The following SGCZ variants were observed in gnomAD, a reference collection of about 807,000 sequenced individuals.
SGCZ encodes sarcoglycan zeta.
SGCZ carries 40 observed loss-of-function variants against 41.3 expected under a neutral mutation model. The observed-to-expected ratio is 0.97, with a 90% CI of 0.75 to 1.26. The LOEUF is 1.26. Ranked by LOEUF, SGCZ falls within the 50% of genes most tolerant of loss-of-function variation. The pLI, the probability that SGCZ is intolerant of heterozygous loss-of-function variation, is 0.00. For synonymous variants in SGCZ, 206 were observed against 137.5 expected, an observed-to-expected ratio of 1.50 and a Z score of -3.49; for missense variants, 552 against 369.8, an observed-to-expected ratio of 1.49 and a Z score of -4.04.
chr8:15,000,606 T>C (rs1382195259), intron 1 of SGCZ, among the ~76,000 whole-genome samples: 3 of 152,146 alleles, frequency 2.0e-5, no homozygotes, highest in African/African-American at 7.2e-5. Context: ...TCGCTTCTCT[T>C]TGCCAGCCAC....
chr8:14,185,633 A>G (rs1029060641), intron 4 of SGCZ, among the ~76,000 whole-genome samples: 2 of 151,722 alleles, frequency 1.3e-5, no homozygotes, highest in African/African-American at 4.8e-5. Flanking sequence ...TATTCTCTTG[A>G]CTTTTCTTCT....
intron 1 of SGCZ, among the ~76,000 whole-genome samples, chr8:14,907,136 C>A (rs1236654350): frequency 1.3e-5 from 2 of 152,076 alleles, no homozygotes; most frequent in Non-Finnish European, 2.9e-5. Flanking sequence ...TTTAGTTTAT[C>A]CAGGCACCTC....
chr8:14,309,659 T>A (rs1488991517), intron 3 of SGCZ: 25 of 1,610,454 alleles, frequency 1.6e-5, no homozygotes, highest in Non-Finnish European at 2.0e-5. Flanking sequence ...CCACTAAAAA[T>A]AGGTTTGTTG....
intron 4 of SGCZ, among the ~76,000 whole-genome samples, chr8:14,214,040 T>A (rs1183895225): frequency 6.6e-6 from 1 of 152,000 alleles, no homozygotes; most frequent in Non-Finnish European, 1.5e-5. Context: ...CCAAAAAGAG[T>A]GACTTTACAG....
At chr8:14,695,097 T>C (rs996041509) in intron 1 of SGCZ, among the ~76,000 whole-genome samples, 3 of 151,916 alleles carry the variant, frequency 2.0e-5, no homozygotes, top group Non-Finnish European at 2.9e-5. Context: ...CCAAAGAAAA[T>C]TGATGCTGAT....
intron 1 of SGCZ, among the ~76,000 whole-genome samples, chr8:14,559,408 A>G (rs535624750): frequency 7.9e-5 from 12 of 152,286 alleles, no homozygotes; most frequent in African/African-American, 1.9e-4. Context: ...TAAAATACTT[A>G]GAAATATACC....
In SGCZ at chr8:15,100,047, C is replaced by G. The variant is rs558052700; in HGVS notation, c.39+137538G>C. On this transcript the variant is annotated intron_variant, in intron 1 of 7. Coordinates refer to ENST00000382080, the MANE Select transcript of SGCZ (RefSeq NM_139167.4). Reference sequence around the variant, plus strand: ...AATTTTTCCCAAAACAGTAACAAAACAAAGATGTCTTTTCTTACCACTTCT... The same window carrying G: ...AATTTTTCCCAAAACAGTAACAAAAGAAAGATGTCTTTTCTTACCACTTCT... Among the ~76,000 whole-genome samples the G allele has an allele frequency of 7.2e-5, 11 of 152,086 alleles. No individual in the cohort carries two copies. The South Asian group carries it at 1.9e-3, about 26-fold the overall frequency.
intron 1 of SGCZ, among the ~76,000 whole-genome samples, chr8:15,095,641 G>A (rs1046157798): frequency 1.3e-5 from 2 of 151,894 alleles, no homozygotes; most frequent in Admixed American, 6.6e-5. Context: ...TCTTGCAATT[G>A]TTTTCTGTTA....
At chr8:14,263,344 T>C (rs1295143952) in intron 3 of SGCZ, among the ~76,000 whole-genome samples, 1 of 151,582 alleles carries the variant, frequency 6.6e-6, no homozygotes, top group Non-Finnish European at 1.5e-5. Context: ...AGGCCAGGAG[T>C]TTGAAACCAG....
chr8:15,100,356 TAC>T (rs1175141060), intron 1 of SGCZ, among the ~76,000 whole-genome samples: 3 of 152,236 alleles, frequency 2.0e-5, no homozygotes, highest in Non-Finnish European at 4.4e-5. Flanking sequence ...TTTATATTAT[TAC>T]ACACACATCA....
chr8:14,868,745 T>C (rs905477392), intron 1 of SGCZ, among the ~76,000 whole-genome samples: 10 of 152,080 alleles, frequency 6.6e-5, no homozygotes, highest in African/African-American at 2.2e-4. Context: ...CTCAAAATTC[T>C]TCCGTGTTTC....
rs1264678824 is a variant in SGCZ at position 14,546,344 on chromosome 8, G to A, written c.234+8388C>T. ...GCTCAGAAAGGCGGGCAAAAACTAC[G>A]GGCTTAAATCACCTCCAGAGTGCTT... On this transcript the variant is annotated intron_variant, in intron 2 of 7. Coordinates refer to ENST00000382080, the MANE Select transcript of SGCZ (RefSeq NM_139167.4). 4.6e-5 allele frequency among the ~76,000 whole-genome samples: 7 copies of A among 152,080 alleles called. No homozygotes were observed. In the South Asian group the frequency reaches 6.2e-4, roughly 14 times the overall value.
At chr8:14,297,339 T>G (rs62497769) in intron 3 of SGCZ, among the ~76,000 whole-genome samples, 1 of 151,848 alleles carries the variant, frequency 6.6e-6, no homozygotes, top group Admixed American at 6.6e-5. Context: ...TAATAAACAA[T>G]GTTTTCTAAG....
intron 4 of SGCZ, among the ~76,000 whole-genome samples, chr8:14,205,599 C>A (rs1001782421): frequency 1.3e-5 from 2 of 152,092 alleles, no homozygotes; most frequent in Non-Finnish European, 2.9e-5. Context: ...ATTATATTTT[C>A]TTCAATCTGA....
At chr8:15,081,859 T>A (rs549309274) in intron 1 of SGCZ, among the ~76,000 whole-genome samples, 2 of 152,064 alleles carry the variant, frequency 1.3e-5, no homozygotes, top group East Asian at 1.9e-4. Context: ...TTGTAAGGAA[T>A]TGATTTCAAA....
intron 1 of SGCZ, among the ~76,000 whole-genome samples, chr8:15,099,699 C>CT (rs1563125305): frequency 1.3e-5 from 2 of 152,074 alleles, no homozygotes; most frequent in African/African-American, 4.8e-5. Flanking sequence ...TCTAAAAATT[C>CT]TCAGTAAAAT....
chr8:14,588,432 GATTT>G (rs1563135335), intron 1 of SGCZ, among the ~76,000 whole-genome samples: 1 of 147,158 alleles, frequency 6.8e-6, no homozygotes, highest in African/African-American at 2.7e-5. Context: ...GGAAAACTTT[GATTT>G]ATTTATTCAG....
chr8:14,135,696 G>A (rs746543243), intron 5 of SGCZ, among the ~76,000 whole-genome samples: 8 of 152,152 alleles, frequency 5.3e-5, no homozygotes, highest in African/African-American at 1.9e-4. Context: ...AACACAGATA[G>A]TTTTACTGGA....
intron 1 of SGCZ, among the ~76,000 whole-genome samples, chr8:14,741,831 T>C (rs1351429432): frequency 6.6e-6 from 1 of 152,038 alleles, no homozygotes; most frequent in Non-Finnish European, 1.5e-5. Context: ...AAAGCTTAAA[T>C]GATTTAAGAA....
Sources: allele counts gnomAD v4.1 joint callset (sites outside exome capture counted in the v4.1 genomes callset), GRCh38; gene constraint gnomAD v4.1.1; transcripts MANE v1.5; gene names NCBI Gene and HGNC (gene_info 2026-07-23, HGNC 2026-07-21).